The following CLIC5 variants were observed in gnomAD, a reference collection of about 807,000 sequenced individuals.
CLIC5 encodes the protein chloride intracellular channel protein 5.
A neutral mutation model predicts 24.7 loss-of-function variants in CLIC5; 20 were observed. The ratio of observed to expected loss-of-function variants is 0.81; its 90% CI spans 0.57 to 1.18. The LOEUF is 1.18. Among genes scored for constraint, CLIC5 ranks in the 50% most tolerant of loss-of-function variants. CLIC5 has a pLI of 0.00. For missense variants in CLIC5, 341 were observed against 326.1 expected (o/e 1.05, Z -0.35); for synonymous variants, 159 against 135.6 (o/e 1.17, Z -1.20).
chr6:46,020,628 T>C (rs1767149198), upstream of CLIC5, among the ~76,000 whole-genome samples: 1 of 151,758 alleles, frequency 6.6e-6, no homozygotes, highest in Non-Finnish European at 1.5e-5. Flanking sequence ...AGAAAATCAA[T>C]AATACTAGAG....
intron 1 of CLIC5, among the ~76,000 whole-genome samples, chr6:46,068,253 T>C (rs1296707376): frequency 6.6e-6 from 1 of 152,068 alleles, no homozygotes; most frequent in Non-Finnish European, 1.5e-5. Flanking sequence ...CCTCAATAAC[T>C]GTAAGAGAAT....
chr6:45,943,152 G>A lies in CLIC5; in HGVS notation c.300-1499C>T, dbSNP rs188461037. 9.1e-4 allele frequency among the ~76,000 whole-genome samples: 139 copies of A among 152,378 alleles called. 1 individual carries two copies. Among genetic ancestry groups the A allele is most frequent in the African/African-American group, 2.7e-3 (114 of 41,584 alleles). The stretch of plus-strand genomic sequence containing the variant: ...CATGAGGAAACGGTGGCATAGAGAG[G>A]TTAAGCAATTTGCCTGAGGTCACAT... On this transcript the variant is annotated intron_variant, in intron 3 of 5. Transcript: ENST00000339561.
intron 6 of CLIC5, among the ~76,000 whole-genome samples, chr6:45,889,359 T>C (rs1581703565): frequency 6.6e-6 from 1 of 152,190 alleles, no homozygotes; most frequent in Non-Finnish European, 1.5e-5. Context: ...CTGAATCGTC[T>C]TCTAAAGGCA....
At chr6:45,905,004 G>T (rs1265850611) in intron 5 of CLIC5, among the ~76,000 whole-genome samples, 2 of 152,016 alleles carry the variant, frequency 1.3e-5, no homozygotes, top group African/African-American at 2.4e-5. Context: ...GCATTAGTTT[G>T]CTTAGGATAA....
intron 1 of CLIC5, among the ~76,000 whole-genome samples, chr6:45,973,947 A>C (rs1765290163): frequency 6.6e-6 from 1 of 152,160 alleles, no homozygotes; most frequent in African/African-American, 2.4e-5. Flanking sequence ...AAAAAGCAGA[A>C]TAGTTGATTA....
intron 1 of CLIC5, among the ~76,000 whole-genome samples, chr6:45,986,983 A>G (rs965747709): frequency 2.0e-5 from 3 of 152,218 alleles, no homozygotes; most frequent in Non-Finnish European, 4.4e-5. Context: ...ACTCACATGT[A>G]TCAGTGGCAG....
chr6:45,921,443 A>G (rs182190830), intron 4 of CLIC5, among the ~76,000 whole-genome samples: 3 of 152,340 alleles, frequency 2.0e-5, no homozygotes, highest in South Asian at 2.1e-4. Flanking sequence ...TCACTCTGCC[A>G]TAAGAGATTT....
chr6:46,008,264 C>T (rs571956912), intron 1 of CLIC5, among the ~76,000 whole-genome samples: 13 of 152,264 alleles, frequency 8.5e-5, no homozygotes, highest in South Asian at 6.2e-4. Context: ...CAGACAACCC[C>T]GTGTACTCAT....
upstream of CLIC5, among the ~76,000 whole-genome samples, chr6:46,084,982 C>A (rs1320742831): frequency 6.6e-6 from 1 of 152,104 alleles, no homozygotes; most frequent in Non-Finnish European, 1.5e-5. Flanking sequence ...TCTTTTTATT[C>A]TTTTTTCTCT....
chr6:46,063,199 A>G (rs954613460), intron 1 of CLIC5, among the ~76,000 whole-genome samples: 4 of 152,172 alleles, frequency 2.6e-5, no homozygotes, highest in African/African-American at 9.7e-5. Context: ...GTTGAACTTT[A>G]TGACTACATG....
In CLIC5 at chr6:46,009,028, T is replaced by C. The variant is rs910474499; in HGVS notation, c.63+6452A>G. On this transcript the variant is annotated intron_variant, in intron 1 of 5. Transcript: ENST00000339561. ...CAGATGCCTGGGCCTCACCCCACCC[T>C]CCTAAATCTGAAACTCTATAGACAG... Among the ~76,000 whole-genome samples, 7 of 152,092 alleles carry C rather than the reference T, an allele frequency of 4.6e-5. No individual in the cohort carries two copies. The South Asian group carries it at 1.5e-3, about 32-fold the overall frequency.
At chr6:46,009,774 C>T (rs1297443761) in intron 1 of CLIC5, among the ~76,000 whole-genome samples, 7 of 152,120 alleles carry the variant, frequency 4.6e-5, no homozygotes, top group Admixed American at 4.6e-4. Flanking sequence ...AAAGAGGATC[C>T]TTTACCCTGG....
the CLIC5 span, among the ~76,000 whole-genome samples, chr6:46,127,269 T>C: frequency 1.3e-5 from 2 of 152,208 alleles, no homozygotes; most frequent in South Asian, 2.1e-4. Flanking sequence ...TTTTGAAATA[T>C]AAAATACATT....
At chr6:46,120,247 G>T in the CLIC5 span, among the ~76,000 whole-genome samples, 1 of 152,212 alleles carries the variant, frequency 6.6e-6, no homozygotes. Context: ...CCAGAGGAAC[G>T]ATCAGACAGC....
At chr6:46,026,879 T>C (rs1767345340) in intron 1 of CLIC5, among the ~76,000 whole-genome samples, 1 of 152,002 alleles carries the variant, frequency 6.6e-6, no homozygotes, top group Non-Finnish European at 1.5e-5. Context: ...ATGCTCCTTG[T>C]CTAAGTTTGA....
downstream of CLIC5, among the ~76,000 whole-genome samples, chr6:45,896,433 C>G (rs1762393507): frequency 6.6e-6 from 1 of 152,138 alleles, no homozygotes; most frequent in Admixed American, 6.5e-5. Context: ...CAGAAAGGAG[C>G]CTTGCTCAAG....
intron 1 of CLIC5, among the ~76,000 whole-genome samples, chr6:46,010,583 G>T (rs548430565): frequency 1.3e-5 from 2 of 152,278 alleles, no homozygotes; most frequent in South Asian, 4.1e-4. Context: ...GCTTTGTCTT[G>T]CATGGAGGGG....
intron 6 of CLIC5, among the ~76,000 whole-genome samples, chr6:45,889,102 A>G (rs1445854304): frequency 2.0e-5 from 3 of 152,184 alleles, no homozygotes; most frequent in Non-Finnish European, 4.4e-5. Flanking sequence ...GGGCTGCTAT[A>G]ACAAAATGTC....
intron 1 of CLIC5, among the ~76,000 whole-genome samples, chr6:46,037,465 T>G (rs144064868): frequency 1.2e-4 from 19 of 152,344 alleles, no homozygotes; most frequent in Admixed American, 3.3e-4. Flanking sequence ...GTCAGAGAGC[T>G]TCCTTGGTTT....
Sources: allele counts gnomAD v4.1 joint callset (sites outside exome capture counted in the v4.1 genomes callset), GRCh38; gene constraint gnomAD v4.1.1; transcripts MANE v1.5; gene names NCBI Gene and HGNC (gene_info 2026-07-23, HGNC 2026-07-21).